The following SECISBP2L variants were observed in gnomAD, a reference collection of about 807,000 sequenced individuals.
SECISBP2L encodes selenocysteine insertion sequence-binding protein 2-like.
In SECISBP2L, 43 loss-of-function variants were observed where a neutral mutation model predicts 114.7. That is an observed-to-expected ratio of 0.38 (90% CI 0.29 to 0.48). The LOEUF is 0.48. Among genes scored for constraint, SECISBP2L ranks in the 20% least tolerant of loss-of-function variants. The pLI, the probability that SECISBP2L is intolerant of heterozygous loss-of-function variation, is 0.98. For missense variants in SECISBP2L, 1,136 were observed against 1,301.1 expected (o/e 0.87, Z 1.95); for synonymous variants, 451 against 439.7 (o/e 1.03, Z -0.32).
chr15:49,000,028 T>C, intron 15 of SECISBP2L, 41 bp from the exon 16 acceptor site: 1 of 1,603,314 alleles, frequency 6.2e-7, no homozygotes, highest in South Asian at 1.1e-5. Context: ...AGTTGTTGCC[T>C]ACATGGAGCT....
chr15:49,028,186 A>G lies in SECISBP2L; in HGVS notation c.895-18T>C, dbSNP rs1395336594. 6.4e-7 allele frequency: 1 copy of G among 1,569,682 alleles called. No individual in the cohort carries two copies. The highest frequency in any genetic ancestry group is 1.4e-5 in the African/African-American group (1 of 73,406). ...TCCACATGCTAAAAAAAGAAACAAA[A>G]AGACAATTATACTCTACTTGAGAAC... On this transcript the variant is annotated intron_variant, in intron 5 of 17. Transcript: ENST00000559471.
intron 16 of SECISBP2L, among the ~76,000 whole-genome samples, chr15:48,997,293 G>A (rs1307855958): frequency 4.6e-5 from 7 of 152,222 alleles, no homozygotes; most frequent in African/African-American, 1.7e-4. Context: ...GAAGATGGCA[G>A]TCTCTATAGG....
chr15:49,037,378 T>C, intron 2 of SECISBP2L: 1 of 379,062 alleles, frequency 2.6e-6, no homozygotes, highest in Non-Finnish European at 4.7e-6. Flanking sequence ...AATGACTTAC[T>C]GAAGGAGACA....
chr15:49,012,913 C>T (rs754371731), intron 11 of SECISBP2L, 96 bp from the exon 12 acceptor site: 3 of 1,282,072 alleles, frequency 2.3e-6, no homozygotes, highest in Non-Finnish European at 3.2e-6. Context: ...ATCCTCCTCC[C>T]ATGGAAAAAA....
intron 7 of SECISBP2L, among the ~76,000 whole-genome samples, chr15:49,020,720 GCTGGTCTGCAACTC>G (rs1162620433): frequency 6.6e-6 from 1 of 151,946 alleles, no homozygotes; most frequent in African/African-American, 2.4e-5. Flanking sequence ...TATTGTCCAG[GCTGGTCTGCAACTC>G]CTGGGCTCAA....
chr15:49,020,034 AG>A (rs1462879026), intron 7 of SECISBP2L, among the ~76,000 whole-genome samples: 1 of 152,360 alleles, frequency 6.6e-6, no homozygotes, highest in South Asian at 2.1e-4. Flanking sequence ...AAGGGAGAAT[AG>A]ATCAGTGGAT....
intron 7 of SECISBP2L, among the ~76,000 whole-genome samples, chr15:49,020,975 C>T (rs767303334): frequency 6.6e-6 from 1 of 152,050 alleles, no homozygotes; most frequent in African/African-American, 2.4e-5. Context: ...ATGTTATGGA[C>T]TAAAATGTTT....
intron 3 of SECISBP2L, among the ~76,000 whole-genome samples, chr15:49,034,160 T>C (rs1464962940): frequency 6.6e-6 from 1 of 152,172 alleles, no homozygotes; most frequent in East Asian, 1.9e-4. Flanking sequence ...TTTTAGAAAT[T>C]ATACGAGGAG....
Position 49,035,450 on chromosome 15 carries a change from T to G in SECISBP2L, c.412A>C (p.Asn138His), listed in dbSNP as rs141441994. 6.2e-7 allele frequency: 1 copy of G among 1,614,024 alleles called. No homozygotes were observed. The highest frequency in any genetic ancestry group is 1.3e-5 in the African/African-American group (1 of 74,900). Residue 138 changes from asparagine to histidine, a missense_variant, in exon 3 of 18, where the codon AAT becomes CAT. By Grantham distance (68) the Asn-to-His change is moderately conservative. Transcript: ENST00000559471. ...TCTGTGGTGATAGCATTTACAGTAT[T>G]TGCAGCCTGAAAGGTGTTGGAGTAA... ...TPYSNTFQAA[N>H]TVNAITTECT...
chr15:49,045,742 A>AG (rs1903233717), intron 1 of SECISBP2L, among the ~76,000 whole-genome samples: 1 of 152,204 alleles, frequency 6.6e-6, no homozygotes, highest in Admixed American at 6.5e-5. Flanking sequence ...TAAAAGGACA[A>AG]GGGGAAATCG....
chr15:49,009,123 C>A (rs754993098), intron 14 of SECISBP2L, 93 bp downstream of exon 14: 38 of 1,351,342 alleles, frequency 2.8e-5, no homozygotes, highest in Non-Finnish European at 3.8e-5. Context: ...CTTTTGTCTG[C>A]TTGACTCACT....
Position 48,996,604 on chromosome 15 carries a change from T to C in SECISBP2L, c.2404-18A>G. 6.2e-7 allele frequency: 1 copy of C among 1,600,234 alleles called. No individual in the cohort carries two copies. Among genetic ancestry groups the C allele is most frequent in the African/African-American group, 1.3e-5 (1 of 74,444 alleles). On this transcript the variant is annotated intron_variant, in intron 16 of 17. Coordinates refer to ENST00000559471, the MANE Select transcript of SECISBP2L (RefSeq NM_001193489.2). Reference sequence around the variant, plus strand: ...AACAGGCTCTGAAAAGAAAGAGTATTTTGATTAATCCATTTTTTTGTTACA... The same window carrying C: ...AACAGGCTCTGAAAAGAAAGAGTATCTTGATTAATCCATTTTTTTGTTACA...
At chr15:48,997,734 T>C (rs191774672) in intron 16 of SECISBP2L, among the ~76,000 whole-genome samples, 54 of 152,218 alleles carry the variant, frequency 3.5e-4, no homozygotes, top group Admixed American at 3.0e-3. Context: ...CTGGGCGTGG[T>C]GGTGCATGCC....
At chr15:49,019,012 C>T (rs1595789521) in intron 8 of SECISBP2L, among the ~76,000 whole-genome samples, 1 of 152,124 alleles carries the variant, frequency 6.6e-6, no homozygotes, top group African/African-American at 2.4e-5. Flanking sequence ...AAACATTTTT[C>T]TTCCTTCTCT....
intron 7 of SECISBP2L, 24 bp downstream of exon 7, chr15:49,027,341 T>C (rs779887894): frequency 1.3e-6 from 2 of 1,556,302 alleles, no homozygotes; most frequent in African/African-American, 1.4e-5. Flanking sequence ...CCTAATCAAT[T>C]TTCTCCAACC....
At chr15:49,036,639 G>T (rs1311331421) in intron 2 of SECISBP2L, among the ~76,000 whole-genome samples, 1 of 152,180 alleles carries the variant, frequency 6.6e-6, no homozygotes, top group Non-Finnish European at 1.5e-5. Flanking sequence ...TTAATATCAT[G>T]CTAACTTCAA....
At chr15:49,025,965 G>A (rs1470982539) in intron 7 of SECISBP2L, among the ~76,000 whole-genome samples, 1 of 152,158 alleles carries the variant, frequency 6.6e-6, no homozygotes, top group African/African-American at 2.4e-5. Flanking sequence ...GCCAAGATAT[G>A]AAATCAACTT....
intron 7 of SECISBP2L, among the ~76,000 whole-genome samples, chr15:49,020,105 G>T (rs531623051): frequency 7.9e-5 from 12 of 152,226 alleles, no homozygotes; most frequent in Admixed American, 1.3e-4. Context: ...TCCTTGTGAT[G>T]ATGGATCTGT....
At chr15:49,031,436 T>C (rs1259628555) in intron 4 of SECISBP2L, among the ~76,000 whole-genome samples, 1 of 152,198 alleles carries the variant, frequency 6.6e-6, no homozygotes, top group African/African-American at 2.4e-5. Flanking sequence ...GTTAATGACA[T>C]CTTTTTTTTA....
Sources: gnomAD v4.1 joint callset for allele counts (sites outside exome capture counted in the v4.1 genomes callset) on GRCh38, gnomAD v4.1.1 for gene constraint, MANE v1.5 for transcripts, NCBI Gene and HGNC (gene_info 2026-07-23, HGNC 2026-07-21) for gene names.